ASB4: variants seen among roughly 807,000 people sequenced by gnomAD.
ASB4 encodes ankyrin repeat and SOCS box protein 4.
A neutral mutation model predicts 38.6 loss-of-function variants in ASB4; 35 were observed. The observed-to-expected ratio is 0.91, with a 90% CI of 0.69 to 1.20. ASB4 has a LOEUF of 1.20. Ranked by LOEUF, ASB4 falls within the 50% of genes most tolerant of loss-of-function variation. The pLI, the probability that ASB4 is intolerant of heterozygous loss-of-function variation, is 0.00. For synonymous variants in ASB4, 195 were observed against 201.3 expected (o/e 0.97, Z 0.26); for missense variants, 557 against 527.2 (o/e 1.06, Z -0.55).
intron 2 of ASB4, among the ~76,000 whole-genome samples, chr7:95,498,555 T>C (rs1027141287): frequency 5.9e-5 from 9 of 152,220 alleles, no homozygotes; most frequent in Non-Finnish European, 5.9e-5. Context: ...TGTATTCTTA[T>C]TGATTTGAGA....
chr7:95,509,491 C>T (rs1316172412), intron 2 of ASB4, among the ~76,000 whole-genome samples: 1 of 152,184 alleles, frequency 6.6e-6, no homozygotes, highest in Non-Finnish European at 1.5e-5. Flanking sequence ...TGCAACAAAG[C>T]TCTGCATACT....
Position 95,527,918 on chromosome 7 carries a change from G to A in ASB4, c.593G>A (p.Gly198Glu), listed in dbSNP as rs774898925. The change falls in exon 3 of 5, where the codon GGG (glycine) becomes GAG (glutamate). Residue 198 changes from glycine (G) to glutamate (E), a missense_variant. Physicochemically the swap from Gly to Glu is moderately conservative, Grantham distance 98 (BLOSUM62 -2). Coordinates refer to ENST00000325885, the MANE Select transcript of ASB4 (RefSeq NM_016116.3). Reference sequence around the variant, plus strand: ...CTGGTGGCCTTCTACGTGGAACACGGGGCCATAGTGGACAGCGTGAATGCC... The same window carrying A: ...CTGGTGGCCTTCTACGTGGAACACGAGGCCATAGTGGACAGCGTGAATGCC... ...SELVAFYVEHGAIVDSVNAHM... is the reference protein window; with the variant it reads ...SELVAFYVEHEAIVDSVNAHM... The A allele has an allele frequency of 6.2e-7, 1 of 1,613,980 alleles. No individual in the cohort carries two copies. The highest frequency in any genetic ancestry group is 1.3e-5 in the African/African-American group (1 of 74,902).
At chr7:95,477,136 G>A (rs1429888747), upstream of ASB4, among the ~76,000 whole-genome samples, 5 of 151,706 alleles carry the variant, frequency 3.3e-5, no homozygotes, top group East Asian at 7.8e-4. Flanking sequence ...TACTGCAGCT[G>A]TTCTTCCGGG....
chr7:95,520,776 T>C (rs10251591), intron 2 of ASB4, among the ~76,000 whole-genome samples: 22,096 of 151,992 alleles, frequency 0.15, 1,720 homozygotes, highest in South Asian at 0.19. Context: ...ATGCTTTCTG[T>C]AGGTAGGTCT....
At chr7:95,544,178 T>C (rs1286864539), downstream of ASB4, 2 of 152,126 alleles carry the variant, frequency 1.3e-5, no homozygotes, top group Non-Finnish European at 2.9e-5. Context: ...ATTTTAAAAA[T>C]TGCATTAAAA....
chr7:95,544,055 A>G (rs1258906440), downstream of ASB4: 2 of 152,116 alleles, frequency 1.3e-5, no homozygotes, highest in African/African-American at 4.8e-5. Context: ...TGTAAAAATG[A>G]TACTAATTAA....
intron 2 of ASB4, among the ~76,000 whole-genome samples, chr7:95,520,406 T>C (rs529066780): frequency 6.6e-6 from 1 of 152,220 alleles, no homozygotes; most frequent in East Asian, 1.9e-4. Context: ...GCTCAACTGG[T>C]GGAAGAATAA....
At chr7:95,501,024 TTTA>T (rs1277013416) in intron 2 of ASB4, among the ~76,000 whole-genome samples, 2 of 152,238 alleles carry the variant, frequency 1.3e-5, no homozygotes, top group African/African-American at 4.8e-5. Flanking sequence ...AGTTTTTATC[TTTA>T]TTGATTTTTA....
chr7:95,540,314 C>G (rs539912502), downstream of ASB4: 4 of 152,298 alleles, frequency 2.6e-5, no homozygotes, highest in South Asian at 8.3e-4. Flanking sequence ...GAACTCTACA[C>G]ATTTCATTGC....
At chr7:95,509,111 G>A (rs1790447881) in intron 2 of ASB4, among the ~76,000 whole-genome samples, 1 of 152,174 alleles carries the variant, frequency 6.6e-6, no homozygotes, top group South Asian at 2.1e-4. Flanking sequence ...ATAATGTCAG[G>A]AATTTTTGAG....
At position 95,488,445 on chromosome 7, in the gene ASB4, CA is replaced by C. The variant is rs201781804; in HGVS notation, c.187+2290del. ...AATGGAAAGTTAGGAATGGAAATGA[CA>C]AATAGAATCCTAGCTGCTAGTAGAT... On this transcript the variant is annotated intron_variant, in intron 1 of 4. Coordinates refer to ENST00000325885, the MANE Select transcript of ASB4 (RefSeq NM_016116.3). Among the ~76,000 whole-genome samples the C allele has an allele frequency of 6.9e-3, 1,056 of 152,272 alleles. 9 individuals carry two copies. The highest frequency in any genetic ancestry group is 0.012 in the Non-Finnish European group (786 of 68,020).
upstream of ASB4, among the ~76,000 whole-genome samples, chr7:95,484,658 T>A (rs1038986351): frequency 6.6e-6 from 1 of 152,204 alleles, no homozygotes; most frequent in African/African-American, 2.4e-5. Flanking sequence ...AAAATTCATG[T>A]TTTTAATTAT....
intron 2 of ASB4, among the ~76,000 whole-genome samples, chr7:95,513,990 T>C (rs1306500371): frequency 1.3e-5 from 2 of 152,178 alleles, no homozygotes; most frequent in African/African-American, 4.8e-5. Flanking sequence ...CTCCTGGACC[T>C]CCACAATTCT....
chr7:95,535,021 C>T (rs557072171), intron 3 of ASB4, among the ~76,000 whole-genome samples: 12 of 152,260 alleles, frequency 7.9e-5, no homozygotes, highest in African/African-American at 2.6e-4. Flanking sequence ...AGGTTGGCCT[C>T]TTTACTGTCA....
intron 2 of ASB4, among the ~76,000 whole-genome samples, chr7:95,497,812 C>T (rs1022535151): frequency 2.0e-5 from 3 of 152,122 alleles, no homozygotes; most frequent in African/African-American, 7.2e-5. Flanking sequence ...GTTTCTCTCA[C>T]TTAGCATAAT....
At chr7:95,528,335 G>C (rs1429348364) in intron 3 of ASB4, 32 bp downstream of exon 3, 1 of 1,612,860 alleles carries the variant, frequency 6.2e-7, no homozygotes, top group Non-Finnish European at 8.5e-7. Context: ...AGCAGGTTGA[G>C]GAAGATTCAA....
chr7:95,526,659 C>T (rs1790741157), intron 2 of ASB4, among the ~76,000 whole-genome samples: 1 of 152,170 alleles, frequency 6.6e-6, no homozygotes, highest in African/African-American at 2.4e-5. Flanking sequence ...CAAAGGATTA[C>T]TTGGAAGGTT....
At chr7:95,524,819 G>C (rs1790715374) in intron 2 of ASB4, among the ~76,000 whole-genome samples, 1 of 152,206 alleles carries the variant, frequency 6.6e-6, no homozygotes, top group Non-Finnish European at 1.5e-5. Flanking sequence ...CTGTGCACTG[G>C]GAGAATGGGA....
intron 2 of ASB4, among the ~76,000 whole-genome samples, chr7:95,507,125 G>C (rs1030792370): frequency 6.6e-6 from 1 of 151,944 alleles, no homozygotes; most frequent in African/African-American, 2.4e-5. Flanking sequence ...AATTATCTAC[G>C]TAGAGGTTTT....
Sources: allele counts gnomAD v4.1 joint callset (sites outside exome capture counted in the v4.1 genomes callset), GRCh38; gene constraint gnomAD v4.1.1; transcripts MANE v1.5; gene names NCBI Gene and HGNC (gene_info 2026-07-23, HGNC 2026-07-21).